KIF16B: variants seen among roughly 807,000 people sequenced by gnomAD.
KIF16B encodes the protein kinesin-like protein KIF16B.
Under a neutral mutation model 156.3 loss-of-function variants are expected in KIF16B, and 98 were observed. The observed-to-expected ratio is 0.63, with a 90% CI of 0.53 to 0.74. The LOEUF (loss-of-function observed/expected upper bound fraction) is 0.74. Ranked by LOEUF, KIF16B falls within the 30% of genes least tolerant of loss-of-function variation. The probability of loss-of-function intolerance (pLI) is 0.00; values close to 1 mark genes in which losing one functional copy is unlikely to be tolerated. For missense variants in KIF16B, 1,421 were observed against 1,606.5 expected (o/e 0.88, Z 1.97); for synonymous variants, 564 against 583.7 (o/e 0.97, Z 0.49).
intron 25 of KIF16B, among the ~76,000 whole-genome samples, chr20:16,284,831 C>G (rs918353985): frequency 6.6e-6 from 1 of 152,178 alleles, no homozygotes; most frequent in African/African-American, 2.4e-5. Context: ...TGGCAGAGAA[C>G]ACACCAACTC....
chr20:16,374,375 T>A lies in KIF16B; in HGVS notation c.3232A>T (p.Ile1078Phe), dbSNP rs1348641031. The A allele has an allele frequency of 3.1e-6, 5 of 1,593,818 alleles. No homozygotes were observed. The highest frequency in any genetic ancestry group is 3.4e-6 in the Non-Finnish European group (4 of 1,168,324). Residue 1078 changes from isoleucine to phenylalanine, a missense_variant, in exon 20 of 26, where the codon ATT (isoleucine) becomes TTT (phenylalanine). Ile to Phe is a conservative substitution (Grantham distance 21). Transcript: ENST00000354981. The part of the protein sequence containing the change: ...EYEIQQLKQK[I>F]YEVDGVQKDH... ...TTTTGAACACCATCGACCTCATAAA[T>A]CTTCTGTTTCAGCTGCTGGATTTCA...
chr20:16,364,580 A>G (rs759457793), intron 22 of KIF16B, among the ~76,000 whole-genome samples: 7 of 152,226 alleles, frequency 4.6e-5, no homozygotes, highest in Non-Finnish European at 7.3e-5. Flanking sequence ...GGGAGCTACT[A>G]GGATTGAAAT....
chr20:16,287,243 T>G (rs1315300773), intron 25 of KIF16B, among the ~76,000 whole-genome samples: 1 of 152,270 alleles, frequency 6.6e-6, no homozygotes, highest in Non-Finnish European at 1.5e-5. Flanking sequence ...TAAACATAAA[T>G]TAAAGTCCAA....
At chr20:16,506,825 C>A (rs1229170748) in intron 7 of KIF16B, among the ~76,000 whole-genome samples, 2 of 151,934 alleles carry the variant, frequency 1.3e-5, no homozygotes, top group South Asian at 2.1e-4. Flanking sequence ...CCAGACCCAG[C>A]AGCTTATGCC....
chr20:16,432,137 C>G (rs1017926078), intron 12 of KIF16B, among the ~76,000 whole-genome samples: 4 of 151,904 alleles, frequency 2.6e-5, no homozygotes, highest in African/African-American at 9.7e-5. Context: ...CCATCTGACC[C>G]CAGACAAAAG....
intron 17 of KIF16B, among the ~76,000 whole-genome samples, chr20:16,393,961 A>G: frequency 6.6e-6 from 1 of 152,238 alleles, no homozygotes; most frequent in South Asian, 2.1e-4. Context: ...CCTTGACTGA[A>G]TTAGCAACAT....
chr20:16,277,129 T>G (rs1435344972), intron 25 of KIF16B, among the ~76,000 whole-genome samples: 2 of 152,212 alleles, frequency 1.3e-5, no homozygotes, highest in Non-Finnish European at 2.9e-5. Flanking sequence ...GGATATACTC[T>G]TTTGTGTCTG....
At chr20:16,448,878 G>C (rs1235478710) in intron 12 of KIF16B, among the ~76,000 whole-genome samples, 1 of 146,032 alleles carries the variant, frequency 6.8e-6, no homozygotes, top group Non-Finnish European at 1.5e-5. Flanking sequence ...AAATATGACA[G>C]AGAGAGAGAG....
intron 24 of KIF16B, among the ~76,000 whole-genome samples, chr20:16,335,336 C>T (rs1424043627): frequency 6.6e-6 from 1 of 152,128 alleles, no homozygotes; most frequent in Non-Finnish European, 1.5e-5. Flanking sequence ...ACTTGAGAAA[C>T]CTGTGTTTGT....
rs572959744 is a variant in KIF16B, at chr20:16,435,227, T to A, written c.1303-5245A>T. 3.9e-5 allele frequency among the ~76,000 whole-genome samples: 6 copies of A among 152,344 alleles called. No homozygotes were observed. The South Asian group carries it at 1.2e-3, about 32-fold the overall frequency. On this transcript the variant is annotated intron_variant, in intron 12 of 25. Transcript: ENST00000354981. ...CACCATTACCTGAATCTGTACCGGT[T>A]TGAGAACGTTGCTTCTTGCCTTGGC...
intron 7 of KIF16B, 124 bp downstream of exon 7, chr20:16,507,834 A>T: frequency 1.0e-6 from 1 of 992,834 alleles, no homozygotes; most frequent in South Asian, 1.6e-5. Context: ...TTAACAAGAA[A>T]ATGACAGTCA....
intron 17 of KIF16B, among the ~76,000 whole-genome samples, chr20:16,397,596 T>C (rs544029286): frequency 6.6e-6 from 1 of 152,362 alleles, no homozygotes; most frequent in South Asian, 2.1e-4. Flanking sequence ...TGGAGCTTAC[T>C]GGATACAATA....
intron 15 of KIF16B, among the ~76,000 whole-genome samples, chr20:16,413,156 T>C (rs1203545154): frequency 6.6e-6 from 1 of 152,150 alleles, no homozygotes; most frequent in African/African-American, 2.4e-5. Flanking sequence ...ACTTAATTTG[T>C]AATTTTGCAA....
chr20:16,314,947 C>G (rs962258435), intron 24 of KIF16B, among the ~76,000 whole-genome samples: 1 of 152,150 alleles, frequency 6.6e-6, no homozygotes, highest in Non-Finnish European at 1.5e-5. Context: ...TACAAACGTG[C>G]CTCCCGCTTC....
chr20:16,444,259 C>A (rs1433138527), intron 12 of KIF16B, among the ~76,000 whole-genome samples: 1 of 152,184 alleles, frequency 6.6e-6, no homozygotes, highest in Non-Finnish European at 1.5e-5. Flanking sequence ...AGCAGTTCCA[C>A]CCCTAGGCCC....
At chr20:16,458,213 C>T (rs919644263) in intron 12 of KIF16B, among the ~76,000 whole-genome samples, 1 of 152,134 alleles carries the variant, frequency 6.6e-6, no homozygotes, top group Non-Finnish European at 1.5e-5. Flanking sequence ...TAAACAACTG[C>T]CCAAATGAGC....
chr20:16,549,507 G>A (rs1319115727), intron 1 of KIF16B, among the ~76,000 whole-genome samples: 1 of 151,918 alleles, frequency 6.6e-6, no homozygotes, highest in African/African-American at 2.4e-5. Context: ...ACATACGTGT[G>A]CATGTGTCTT....
At chr20:16,392,836 C>T (rs1260945579) in intron 17 of KIF16B, among the ~76,000 whole-genome samples, 4 of 152,148 alleles carry the variant, frequency 2.6e-5, no homozygotes, top group African/African-American at 9.7e-5. Flanking sequence ...ATTTAAGCAG[C>T]AGTTGCCATC....
intron 15 of KIF16B, among the ~76,000 whole-genome samples, chr20:16,410,013 A>AGGTACATATATATATATGTT (rs2065892098): frequency 2.7e-5 from 3 of 111,442 alleles, no homozygotes; most frequent in African/African-American, 1.1e-4. Context: ...ATATATATGT[A>AGGTACATATATATATATGTT]GGTACATATA....
Sources: gnomAD v4.1 joint callset for allele counts (sites outside exome capture counted in the v4.1 genomes callset) on GRCh38, gnomAD v4.1.1 for gene constraint, MANE v1.5 for transcripts, NCBI Gene and HGNC (gene_info 2026-07-23, HGNC 2026-07-21) for gene names.